ATP13A1: variants seen among roughly 807,000 people sequenced by gnomAD.
ATP13A1 encodes ATPase 13A1.
Under a neutral mutation model 134.8 loss-of-function variants are expected in ATP13A1, and 55 were observed. The ratio of observed to expected loss-of-function variants is 0.41; its 90% CI spans 0.33 to 0.51. The LOEUF is 0.51. Among genes scored for constraint, ATP13A1 ranks in the 20% least tolerant of loss-of-function variants. The pLI is 0.29. For synonymous variants in ATP13A1, 775 were observed against 725.1 expected (o/e 1.07, Z -1.10); for missense variants, 1,389 against 1,652.8 (o/e 0.84, Z 2.77).
At position 19,663,326 on chromosome 19, in the gene ATP13A1, G is replaced by A; in HGVS notation, c.341C>T (p.Thr114Ile). The A allele has an allele frequency of 1.3e-6, 2 of 1,592,096 alleles. No individual in the cohort carries two copies. The highest frequency in any genetic ancestry group is 1.7e-4 in the Middle Eastern group (1 of 6,040). The change falls in exon 1 of 26, where the codon ACT becomes ATT. Residue 114 changes from threonine (T) to isoleucine (I), a missense_variant. This residue lies in a region of ATP13A1 where 293 missense variants were observed against 270.8 expected (regional missense o/e 1.08). Transcript: ENST00000357324. The part of the protein sequence containing the change: ...LATICLAHAL[T>I]VLSGHWSVHA... ...CACAGACCAATGCCCCGAGAGGACA[G>A]TGAGCGCGTGCGCGAGGCAGATGGT... is the stretch of plus-strand genomic sequence containing the variant.
At chr19:19,657,286 G>C in intron 4 of ATP13A1, 50 bp downstream of exon 4, 7 of 1,538,408 alleles carry the variant, frequency 4.6e-6, no homozygotes, top group South Asian at 1.2e-5. Context: ...ATCCGGTTAG[G>C]AAAGCCCCAA....
Position 19,645,493 on chromosome 19 carries a change from A to T in ATP13A1, c.3544T>A (p.Cys1182Ser). Reference protein sequence around the residue: ...VIAQVLLLDFCLALLADRVLQ... With the variant: ...VIAQVLLLDFSLALLADRVLQ... ...ACGCGGTCGGCCAGGAGCGCCAGGC[A>T]GAAGTCCAGGAGCAGGACCTGGGCA... is the stretch of plus-strand genomic sequence containing the variant. Residue 1182 changes from cysteine to serine, a missense_variant, in exon 26 of 26, where the codon TGC becomes AGC. Around this residue, in one of 4 missense-constraint regions of ATP13A1, gnomAD observed 228 missense variants for 321.0 expected, o/e 0.71. Transcript: ENST00000357324. This position sits in a 1 kb window ranked among gnomAD's most constrained non-coding sequence, Gnocchi z 4.1. 6.2e-7 allele frequency: 1 copy of T among 1,607,914 alleles called. No individual in the cohort carries two copies. The highest frequency in any genetic ancestry group is 8.5e-7 in the Non-Finnish European group (1 of 1,177,390).
At position 19,653,530 on chromosome 19, in the gene ATP13A1, G is replaced by A. The variant is rs577913306; in HGVS notation, c.2100+254C>T. 1.8e-6 allele frequency: 1 copy of A among 541,758 alleles called. No homozygotes were observed. The highest frequency in any genetic ancestry group is 1.9e-5 in the African/African-American group (1 of 52,470). The allele number at this position is 541,758 out of a possible 1,614,324, so 33.6% of individuals were successfully genotyped here. Reference sequence around the variant, plus strand: ...CCCTGCCCAAGACCAGGGCAAAAGAGTAGAGCTAGGGACACACCAGGACTG... The same window carrying A: ...CCCTGCCCAAGACCAGGGCAAAAGAATAGAGCTAGGGACACACCAGGACTG... On this transcript the variant is annotated intron_variant, in intron 15 of 25. Coordinates refer to ENST00000357324, the MANE Select transcript of ATP13A1 (RefSeq NM_020410.3). This position sits in a 1 kb window ranked among gnomAD's most constrained non-coding sequence, Gnocchi z 4.2.
At chr19:19,650,537 C>CCGAG in intron 17 of ATP13A1, 1 of 155,504 alleles carries the variant, frequency 6.4e-6, no homozygotes, top group Non-Finnish European at 1.4e-5. Flanking sequence ...AAGGGCAGCA[C>CCGAG]ACTTCCACCT....
At position 19,655,484 on chromosome 19, in the gene ATP13A1, C is replaced by T; in HGVS notation, c.1397-31G>A. The T allele has an allele frequency of 1.2e-6, 2 of 1,613,938 alleles. No individual in the cohort carries two copies. Among genetic ancestry groups the T allele is most frequent in the Non-Finnish European group, 1.7e-6 (2 of 1,179,862 alleles). On this transcript the variant is annotated intron_variant, in intron 10 of 25. Transcript: ENST00000357324. This position sits in a 1 kb window ranked among gnomAD's most constrained non-coding sequence, Gnocchi z 5.7. Reference sequence around the variant, plus strand: ...GAGACAGGGCCTGCCAACCTGGAGCCTCGGAGGGTGGGCGCAGGGGACCAC... The same window carrying T: ...GAGACAGGGCCTGCCAACCTGGAGCTTCGGAGGGTGGGCGCAGGGGACCAC...
Position 19,653,525 on chromosome 19 carries a change from A to G in ATP13A1, c.2100+259T>C. On this transcript the variant is annotated intron_variant, in intron 15 of 25. Transcript: ENST00000357324. This position sits in a 1 kb window ranked among gnomAD's most constrained non-coding sequence, Gnocchi z 4.2. ...CCTAGCCCTGCCCAAGACCAGGGCA[A>G]AAGAGTAGAGCTAGGGACACACCAG... 1.9e-6 allele frequency: 1 copy of G among 527,940 alleles called. No individual in the cohort carries two copies. The highest frequency in any genetic ancestry group is 2.5e-5 in the South Asian group (1 of 40,194). The allele number at this position is 527,940 out of a possible 1,614,324, so 32.7% of individuals were successfully genotyped here.
Position 19,655,060 on chromosome 19 carries a change from T to C in ATP13A1, c.1655+59A>G. 6.2e-7 allele frequency: 1 copy of C among 1,601,024 alleles called. No homozygotes were observed. The highest frequency in any genetic ancestry group is 8.5e-7 in the Non-Finnish European group (1 of 1,175,498). On this transcript the variant is annotated intron_variant, in intron 12 of 25. Transcript: ENST00000357324. This position sits in a 1 kb window ranked among gnomAD's most constrained non-coding sequence, Gnocchi z 5.7. ...GCTTGGGGTGGATGGGCCACCTGTC[T>C]CTCGACTTCCCAGAAACCCCATCTG...
At position 19,659,883 on chromosome 19, in the gene ATP13A1, G is replaced by T; in HGVS notation, c.486+15C>A. 1 of 1,588,074 alleles carries T rather than the reference G, an allele frequency of 6.3e-7. No individual in the cohort carries two copies. The highest frequency in any genetic ancestry group is 1.3e-5 in the African/African-American group (1 of 74,206). On this transcript the variant is annotated intron_variant, in intron 2 of 25. Transcript: ENST00000357324. ...CTCAAGCCCCTCCTCCAGGAGCCCA[G>T]CAGGCAGTCCCTACCTCATTGCGGT...
In ATP13A1 at chr19:19,649,791, G is replaced by A. The variant is rs141092465; in HGVS notation, c.2485C>T (p.Arg829Cys). 3.1e-5 allele frequency: 49 copies of A among 1,601,650 alleles called. No individual in the cohort carries two copies. The African/African-American group carries it at 3.6e-4, about 12-fold the overall frequency. The change falls in exon 18 of 26, where the codon CGC becomes TGC. Residue 829 changes from arginine to cysteine, a missense_variant. Arg to Cys is a radical substitution (Grantham distance 180). Coordinates refer to ENST00000357324, the MANE Select transcript of ATP13A1 (RefSeq NM_020410.3). ...AACACCTGCACATGGGGGATGAGGC[G>A]GAGCAGCTGCTGGGGGTCGGTGGCC... is the stretch of plus-strand genomic sequence containing the variant. The part of the protein sequence containing the change: ...LQATDPQQLL[R>C]LIPHVQVFAR...
Position 19,647,585 on chromosome 19 carries a change from C to G in ATP13A1, c.2793+14G>C, listed in dbSNP as rs1427918540. 17 of 1,613,324 alleles carry G rather than the reference C, an allele frequency of 1.1e-5. No homozygotes were observed. The highest frequency in any genetic ancestry group is 2.2e-5 in the East Asian group (1 of 44,872). On this transcript the variant is annotated intron_variant, in intron 20 of 25. Transcript: ENST00000357324. This position sits in a 1 kb window ranked among gnomAD's most constrained non-coding sequence, Gnocchi z 4.8. ...GCCAGGATGGGGTGCAGCACCTCCC[C>G]TCTTGGGACTCACCCTCTGGGAGGT...
intron 3 of ATP13A1, among the ~76,000 whole-genome samples, chr19:19,657,711 G>C (rs990743100): frequency 6.6e-6 from 1 of 152,176 alleles, no homozygotes; most frequent in Non-Finnish European, 1.5e-5. Context: ...GGTGTCAGAC[G>C]AGAGCCCGTC....
intron 1 of ATP13A1, among the ~76,000 whole-genome samples, chr19:19,660,346 G>A (rs1340709091): frequency 6.6e-6 from 1 of 152,220 alleles, no homozygotes; most frequent in African/African-American, 2.4e-5. Flanking sequence ...GCCGGACACG[G>A]TGGTGCACAC....
rs1286384680 is a variant in ATP13A1 at position 19,647,518 on chromosome 19, C to T, written c.2804G>A (p.Ser935Asn). The change falls in exon 21 of 26, where the codon AGC becomes AAC. Residue 935 changes from serine to asparagine, a missense_variant. Physicochemically the swap from Ser to Asn is conservative, Grantham distance 46. Transcript: ENST00000357324. This position sits in a 1 kb window ranked among gnomAD's most constrained non-coding sequence, Gnocchi z 4.8. ...GTCCTCGAGGTCTCGCAGCACCTGG[C>T]TCAGGCGGTCCTGCAGGGTAGACAG... is the stretch of plus-strand genomic sequence containing the variant. ...EQPTSQRDRLSQVLRDLEDES... is the reference protein window; with the variant it reads ...EQPTSQRDRLNQVLRDLEDES... The T allele has an allele frequency of 6.2e-7, 1 of 1,612,804 alleles. No homozygotes were observed. The highest frequency in any genetic ancestry group is 1.7e-5 in the Admixed American group (1 of 59,854).
rs747244530 is a variant in ATP13A1 at position 19,656,948 on chromosome 19, C to T, written c.907-32G>A. 1.1e-5 allele frequency: 18 copies of T among 1,604,790 alleles called. No individual in the cohort carries two copies. Among genetic ancestry groups the T allele is most frequent in the African/African-American group, 4.0e-5 (3 of 74,822 alleles). The stretch of plus-strand genomic sequence containing the variant: ...GGGGCATGGGTGTCAGCACAGAAGC[C>T]GCACCTGTGCTGCACCCCCAACCTG... On this transcript the variant is annotated intron_variant, in intron 5 of 25. Coordinates refer to ENST00000357324, the MANE Select transcript of ATP13A1 (RefSeq NM_020410.3). The surrounding 1 kb of genome is among the most constrained non-coding windows in gnomAD (Gnocchi z 4.6).
In ATP13A1 at chr19:19,655,502, G is replaced by A; in HGVS notation, c.1396+26C>T. On this transcript the variant is annotated intron_variant, in intron 10 of 25. Coordinates refer to ENST00000357324, the MANE Select transcript of ATP13A1 (RefSeq NM_020410.3). This position sits in a 1 kb window ranked among gnomAD's most constrained non-coding sequence, Gnocchi z 5.7. ...CTGGAGCCTCGGAGGGTGGGCGCAGGGGACCACAGAGGCCGTGGCGCTTAC... is the reference window on the plus strand; with the variant it reads ...CTGGAGCCTCGGAGGGTGGGCGCAGAGGACCACAGAGGCCGTGGCGCTTAC... 6.2e-7 allele frequency: 1 copy of A among 1,613,972 alleles called. No individual in the cohort carries two copies. The highest frequency in any genetic ancestry group is 1.3e-5 in the African/African-American group (1 of 75,046).
At position 19,646,300 on chromosome 19, in the gene ATP13A1, G is replaced by A; in HGVS notation, c.3153C>T (p.Asn1051=). 1 of 1,613,952 alleles carries A rather than the reference G, an allele frequency of 6.2e-7. No homozygotes were observed. Among genetic ancestry groups the A allele is most frequent in the Non-Finnish European group, 8.5e-7 (1 of 1,179,850 alleles). The part of the protein sequence containing the change: ...SRERPLPNIF[N]LYTILTVMLQ... ...GCATGACGGTGAGGATGGTGTACAG[G>A]TTGAAGATGTTGGGCAGGGGCCGTT... Residue 1051 remains asparagine, a synonymous_variant, in exon 23 of 26, where the codon AAC becomes AAT. Coordinates refer to ENST00000357324, the MANE Select transcript of ATP13A1 (RefSeq NM_020410.3).
intron 12 of ATP13A1, 90 bp from the exon 13 acceptor site, chr19:19,654,790 A>G (rs1489355580): frequency 4.8e-6 from 7 of 1,452,734 alleles, no homozygotes; most frequent in South Asian, 2.6e-5. Context: ...AAGGCCATTC[A>G]TTCCGTGCTT....
chr19:19,646,693 C>T (rs1242531302), intron 22 of ATP13A1: 1 of 412,656 alleles, frequency 2.4e-6, no homozygotes, highest in South Asian at 2.9e-5. Flanking sequence ...GGACTCCCTG[C>T]GTCAGCCCAT....
chr19:19,654,453 C>A, intron 13 of ATP13A1, 90 bp downstream of exon 13: 1 of 1,454,054 alleles, frequency 6.9e-7, no homozygotes, highest in East Asian at 2.3e-5. Flanking sequence ...CTGCCTGTCC[C>A]CAAGATGCTC....
Sources: gnomAD v4.1 joint callset for allele counts (sites outside exome capture counted in the v4.1 genomes callset) on GRCh38, gnomAD v4.1.1 for gene constraint, gnomAD v4.1.1 regional missense constraint, Gnocchi (gnomAD v3.1) non-coding constraint, MANE v1.5 for transcripts, NCBI Gene and HGNC (gene_info 2026-07-23, HGNC 2026-07-21) for gene names.